Variants in ZNF625 observed in about 807,000 individuals in gnomAD.
The protein encoded by ZNF625 is zinc finger protein 625.
In ZNF625, 8 loss-of-function variants were observed where a neutral mutation model predicts 11.1. That is an observed-to-expected ratio of 0.72 (90% CI 0.42 to 1.30). The LOEUF is 1.30. Among genes scored for constraint, ZNF625 ranks in the 50% most tolerant of loss-of-function variants. The pLI, the probability that ZNF625 is intolerant of heterozygous loss-of-function variation, is 0.01. For synonymous variants in ZNF625, 145 were observed against 153.4 expected (o/e 0.95, Z 0.41); for missense variants, 349 against 447.6 (o/e 0.78, Z 1.99).
At chr19:12,156,219 C>T (rs1977023972) in intron 1 of ZNF625, among the ~76,000 whole-genome samples, 1 of 152,166 alleles carries the variant, frequency 6.6e-6, no homozygotes, top group African/African-American at 2.4e-5. Flanking sequence ...AACCACACAC[C>T]CGAGGCAGGA....
At chr19:12,151,954 A>C (rs1212322234) in intron 1 of ZNF625, among the ~76,000 whole-genome samples, 1 of 152,052 alleles carries the variant, frequency 6.6e-6, no homozygotes, top group Non-Finnish European at 1.5e-5. Context: ...AAGATCATGA[A>C]TATTTTTGGG....
At position 12,145,438 on chromosome 19, in the gene ZNF625, AGT is replaced by A; in HGVS notation, c.976_977del (p.Thr326TrpfsTer6). On this transcript the variant is annotated frameshift_variant, in exon 4 of 4. Coordinates refer to ENST00000439556, the MANE Select transcript of ZNF625 (RefSeq NM_145233.4). LOFTEE classifies it low-confidence loss of function (END_TRUNC). ...SHLRTHGRTH[T>X]GEKPYECKQC... ...GTTTACATTCATAGGGTTTCTCTCC[AGT>A]GTGAGTCCTTCCATGTGTTCGAAGG... 1.2e-6 allele frequency: 2 copies of A among 1,614,212 alleles called. No homozygotes were observed. The highest frequency in any genetic ancestry group is 1.7e-6 in the Non-Finnish European group (2 of 1,180,040).
Position 12,145,505 on chromosome 19 carries a change from T to C in ZNF625, c.911A>G (p.Glu304Gly), listed in dbSNP as rs990085601. The C allele has an allele frequency of 6.2e-7, 1 of 1,613,956 alleles. No homozygotes were observed. Among genetic ancestry groups the C allele is most frequent in the Non-Finnish European group, 8.5e-7 (1 of 1,179,970 alleles). The stretch of plus-strand genomic sequence containing the variant: ...GAAGGCTTTCCCACATTGCTTACAT[T>C]CATAGGGCTTCTCTCCAGTGTGAGT... ...ERTHTGEKPYECKQCGKAFRS... is the reference protein window; with the variant it reads ...ERTHTGEKPYGCKQCGKAFRS... Residue 304 changes from glutamate (E) to glycine (G), a missense_variant, in exon 4 of 4, where the codon GAA (glutamate) becomes GGA (glycine). Transcript: ENST00000439556.
At chr19:12,150,541 G>A (rs757547024) in intron 1 of ZNF625, among the ~76,000 whole-genome samples, 1 of 152,140 alleles carries the variant, frequency 6.6e-6, no homozygotes, top group Non-Finnish European at 1.5e-5. Context: ...TTGAACTATA[G>A]GTTCAATACT....
chr19:12,146,363 C>A, intron 3 of ZNF625, 139 bp from the exon 4 acceptor site: 1 of 746,714 alleles, frequency 1.3e-6, no homozygotes, highest in East Asian at 2.6e-5. Flanking sequence ...GAACAGACCA[C>A]ACATGCTCTA....
At chr19:12,156,038 A>G (rs1977021606) in intron 1 of ZNF625, among the ~76,000 whole-genome samples, 1 of 152,074 alleles carries the variant, frequency 6.6e-6, no homozygotes. Context: ...TTTATTTTTA[A>G]TAGAAACTAG....
In ZNF625 at chr19:12,145,300, A is replaced by C. The variant is rs1428384958; in HGVS notation, c.1116T>G (p.Ala372=). 2 of 1,598,344 alleles carry C rather than the reference A, an allele frequency of 1.3e-6. No individual in the cohort carries two copies. The highest frequency in any genetic ancestry group is 3.5e-5 in the Admixed American group (2 of 57,270). The part of the protein sequence containing the change: ...NTSKGQGEKI[A] Reference sequence around the variant, plus strand: ...GCTTCTAGGAATCTTATGTGAATTAAGCAATCTTCTCGCCTTGGCCTTTCG... The same window carrying C: ...GCTTCTAGGAATCTTATGTGAATTACGCAATCTTCTCGCCTTGGCCTTTCG... Residue 372 remains alanine, a synonymous_variant, in exon 4 of 4, where the codon GCT becomes GCG. Coordinates refer to ENST00000439556, the MANE Select transcript of ZNF625 (RefSeq NM_145233.4).
Position 12,145,940 on chromosome 19 carries a change from C to G in ZNF625, c.476G>C (p.Gly159Ala), listed in dbSNP as rs770632623. 3.7e-6 allele frequency: 6 copies of G among 1,614,202 alleles called. No individual in the cohort carries two copies. Among genetic ancestry groups the G allele is most frequent in the Admixed American group, 1.7e-5 (1 of 60,016 alleles). Residue 159 changes from glycine to alanine, a missense_variant, in exon 4 of 4, where the codon GGG becomes GCG. Physicochemically the swap from Gly to Ala is moderately conservative, Grantham distance 60. Transcript: ENST00000439556. The part of the protein sequence containing the change: ...YFRTHEWAHT[G>A]GKPYDCEECG... ...TTCCTCACAATCATAAGGTTTCCCC[C>G]CAGTGTGAGCCCATTCATGTGTTCG...
At chr19:12,155,512 A>C (rs1442047233) in intron 1 of ZNF625, among the ~76,000 whole-genome samples, 1 of 152,074 alleles carries the variant, frequency 6.6e-6, no homozygotes, top group Admixed American at 6.6e-5. Context: ...CCCCGCTTCT[A>C]CGTGTCCTGC....
In ZNF625 at chr19:12,147,710, C is replaced by T. The variant is rs1976896680; in HGVS notation, c.96G>A (p.Val32=). The T allele has an allele frequency of 1.9e-6, 3 of 1,613,970 alleles. No individual in the cohort carries two copies. The highest frequency in any genetic ancestry group is 1.7e-5 in the Admixed American group (1 of 59,968). The change falls in exon 2 of 4, where the codon GTG becomes GTA. Residue 32 remains valine, a synonymous_variant. Coordinates refer to ENST00000439556, the MANE Select transcript of ZNF625 (RefSeq NM_145233.4). Reference sequence around the variant, plus strand: ...CCAGGTTCCTGAAGGTTTCCTGCATCACATCTCTGTAGAGATTCTTCTGGG... The same window carrying T: ...CCAGGTTCCTGAAGGTTTCCTGCATTACATCTCTGTAGAGATTCTTCTGGG... The part of the protein sequence containing the change: ...DPSQKNLYRD[V]MQETFRNLAS...
intron 1 of ZNF625, among the ~76,000 whole-genome samples, chr19:12,155,277 G>A (rs1276760748): frequency 1.3e-5 from 2 of 150,948 alleles, no homozygotes; most frequent in Non-Finnish European, 2.9e-5. Context: ...ATACTAAATT[G>A]CAAACAAGAC....
At chr19:12,155,560 G>A (rs1451447378) in intron 1 of ZNF625, among the ~76,000 whole-genome samples, 1 of 152,040 alleles carries the variant, frequency 6.6e-6, no homozygotes, top group Non-Finnish European at 1.5e-5. Flanking sequence ...TCTTTTCCCT[G>A]CAATTCCTGT....
In ZNF625 at chr19:12,145,333, G is replaced by A; in HGVS notation, c.1083C>T (p.Ser361=). 1.2e-6 allele frequency: 2 copies of A among 1,613,610 alleles called. No homozygotes were observed. Among genetic ancestry groups the A allele is most frequent in the African/African-American group, 1.3e-5 (1 of 75,038 alleles). ...RTHTGEKPCS[S]NTSKGQGEKI... is the part of the protein sequence containing the mutation. ...TCTCGCCTTGGCCTTTCGAAGTGTTGGAGCTACAGGGTTTTTCTCCAGTGT... is the reference window on the plus strand; with the variant it reads ...TCTCGCCTTGGCCTTTCGAAGTGTTAGAGCTACAGGGTTTTTCTCCAGTGT... The change falls in exon 4 of 4, where the codon TCC becomes TCT. Residue 361 remains serine (S), a synonymous_variant. Coordinates refer to ENST00000439556, the MANE Select transcript of ZNF625 (RefSeq NM_145233.4).
chr19:12,153,759 A>G (rs1298724238), intron 1 of ZNF625, among the ~76,000 whole-genome samples: 3 of 149,878 alleles, frequency 2.0e-5, no homozygotes, highest in African/African-American at 7.4e-5. Context: ...GTACAAACTG[A>G]GGCAGAAATA....
At chr19:12,152,564 C>T (rs578040280) in intron 1 of ZNF625, among the ~76,000 whole-genome samples, 21 of 152,182 alleles carry the variant, frequency 1.4e-4, no homozygotes, top group Middle Eastern at 3.4e-3. Context: ...AACACTCGGC[C>T]GGGTGCAGTG....
intron 3 of ZNF625, among the ~76,000 whole-genome samples, chr19:12,146,679 A>C (rs546754181): frequency 2.2e-4 from 34 of 152,196 alleles, no homozygotes; most frequent in African/African-American, 7.9e-4. Context: ...CAATCTGCCC[A>C]CCTCAGCCTC....
At position 12,152,561 on chromosome 19, in the gene ZNF625, G is replaced by A. The variant is rs115357417; in HGVS notation, c.3+3995C>T. On this transcript the variant is annotated intron_variant, in intron 1 of 3. Transcript: ENST00000439556. The stretch of plus-strand genomic sequence containing the variant: ...ACATTTCTTCATGATAAAAACACTC[G>A]GCCGGGTGCAGTGGCTCACACCTGT... 8.5e-4 allele frequency among the ~76,000 whole-genome samples: 129 copies of A among 152,096 alleles called. 1 individual carries two copies. The highest frequency in any genetic ancestry group is 2.8e-3 in the African/African-American group (116 of 41,490).
chr19:12,147,510 A>G, intron 2 of ZNF625, 55 bp from the exon 3 acceptor site: 1 of 1,505,344 alleles, frequency 6.6e-7, no homozygotes, highest in African/African-American at 1.4e-5. Flanking sequence ...TGAAAAAAGT[A>G]CTAGATTCTA....
intron 1 of ZNF625, among the ~76,000 whole-genome samples, chr19:12,150,588 C>T (rs142263155): frequency 1.2e-4 from 18 of 152,320 alleles, no homozygotes; most frequent in African/African-American, 4.3e-4. Flanking sequence ...CAATCTCTCT[C>T]CCATATTACA....
Sources: gnomAD v4.1 joint callset for allele counts (sites outside exome capture counted in the v4.1 genomes callset) on GRCh38, gnomAD v4.1.1 for gene constraint, MANE v1.5 for transcripts, NCBI Gene and HGNC (gene_info 2026-07-23, HGNC 2026-07-21) for gene names.